The following HIVEP3 variants were observed in gnomAD, a reference collection of about 807,000 sequenced individuals.
The protein encoded by HIVEP3 is HIVEP zinc finger 3.
In HIVEP3, 49 loss-of-function variants were observed where a neutral mutation model predicts 152.8. The observed-to-expected ratio is 0.32, with a 90% CI of 0.26 to 0.41. The LOEUF (loss-of-function observed/expected upper bound fraction) is 0.41, where lower values mean the gene tolerates loss of function less well. Ranked by LOEUF, HIVEP3 falls within the 10% of genes least tolerant of loss-of-function variation. The pLI is 1.00. For synonymous variants in HIVEP3, 1,269 were observed against 1,289.0 expected, an observed-to-expected ratio of 0.98 and a Z score of 0.33; for missense variants, 2,790 against 3,103.3, an observed-to-expected ratio of 0.90 and a Z score of 2.40.
At chr1:41,587,544 A>G (rs769358252) in intron 3 of HIVEP3, among the ~76,000 whole-genome samples, 3 of 152,222 alleles carry the variant, frequency 2.0e-5, no homozygotes, top group Non-Finnish European at 2.9e-5. Context: ...TACCCTTACA[A>G]TTAATATTTG....
At chr1:41,602,705 C>T (rs965869055) in intron 3 of HIVEP3, among the ~76,000 whole-genome samples, 2 of 151,588 alleles carry the variant, frequency 1.3e-5, no homozygotes, top group Non-Finnish European at 2.9e-5. Flanking sequence ...TGATTTTTTT[C>T]CTATTGTTTT....
At chr1:41,526,563 A>T (rs1453054547) in intron 5 of HIVEP3, among the ~76,000 whole-genome samples, 11 of 17,550 alleles carry the variant, frequency 6.3e-4, no homozygotes, top group Non-Finnish European at 8.1e-4. Context: ...TCACCCTCAC[A>T]CACCCTCACA....
At position 41,918,265 on chromosome 1, in the gene HIVEP3, C is replaced by T. The variant is rs555050737; in HGVS notation, c.-801+148G>A. ...CGGCCGGCCCCTGCGTCTCGGCAGCCGGACACCTTGCCTAAGAAAGGCATA... is the reference window on the plus strand; with the variant it reads ...CGGCCGGCCCCTGCGTCTCGGCAGCTGGACACCTTGCCTAAGAAAGGCATA... On this transcript the variant is annotated intron_variant, in intron 1 of 8. Coordinates refer to ENST00000372583, the MANE Select transcript of HIVEP3 (RefSeq NM_024503.5). The surrounding 1 kb of genome is among the most constrained non-coding windows in gnomAD (Gnocchi z 4.3). 425 of 153,964 alleles carry T rather than the reference C, an allele frequency of 2.8e-3. 1 individual carries two copies. The highest frequency in any genetic ancestry group is 4.0e-3 in the Non-Finnish European group (274 of 68,716). The allele number at this position is 153,964 out of a possible 1,614,324, so 9.5% of individuals were successfully genotyped here.
At chr1:41,687,273 G>C (rs912250926) in intron 2 of HIVEP3, among the ~76,000 whole-genome samples, 1 of 152,250 alleles carries the variant, frequency 6.6e-6, no homozygotes, top group Middle Eastern at 3.2e-3. Flanking sequence ...ATTTCACTCA[G>C]AGACAGGAAG....
chr1:41,932,624 T>G (rs1305645906), intron 1 of HIVEP3, among the ~76,000 whole-genome samples: 1 of 151,942 alleles, frequency 6.6e-6, no homozygotes, highest in African/African-American at 2.4e-5. Flanking sequence ...AAGAACCAGC[T>G]TTTGGTTTGA....
Position 41,929,726 on chromosome 1 carries a change from T to TATATATATATATATATATATATA in HIVEP3, n.120-11203_120-11202insTATATATATATATATATATATAT, listed in dbSNP as rs1553135852. ...TGTGTGAGTGTGTGTATATGTGTTTTTATATATATATATATATATATATAT... is the reference window on the plus strand; with the variant it reads ...TGTGTGAGTGTGTGTATATGTGTTTTATATATATATATATATATATATATATATATATATATATATATATATAT... On this transcript the variant is annotated intron_variant and non_coding_transcript_variant, in intron 1 of 3. Coordinates refer to the HIVEP3 transcript ENST00000489103. 8.5e-3 allele frequency among the ~76,000 whole-genome samples: 955 copies of TATATATATATATATATATATATA among 112,512 alleles called. 91 individuals are homozygous for TATATATATATATATATATATATA. Among genetic ancestry groups the TATATATATATATATATATATATA allele is most frequent in the Admixed American group, 0.016 (171 of 10,526 alleles). The allele number at this position is 112,512 out of a possible 152,430, so 73.8% of individuals were successfully genotyped here. A position where few individuals can be genotyped will look rare whatever the true frequency, so the allele number is the denominator to read the frequency against.
chr1:41,934,756 G>A (rs1328609764), intron 1 of HIVEP3, among the ~76,000 whole-genome samples: 2 of 152,144 alleles, frequency 1.3e-5, no homozygotes, highest in Admixed American at 1.3e-4. Context: ...TACAAATAAT[G>A]TACCAATTTT....
At chr1:41,706,282 T>G (rs1482505390) in intron 1 of HIVEP3, among the ~76,000 whole-genome samples, 1 of 152,140 alleles carries the variant, frequency 6.6e-6, no homozygotes, top group Non-Finnish European at 1.5e-5. Context: ...ATGTGTTTTA[T>G]TTTTATTTAT....
At chr1:41,661,154 CAT>C (rs1465024107) in intron 2 of HIVEP3, among the ~76,000 whole-genome samples, 4 of 152,212 alleles carry the variant, frequency 2.6e-5, no homozygotes, top group Non-Finnish European at 4.4e-5. Flanking sequence ...TTTGATAAAA[CAT>C]AGCCTGAAAG....
chr1:41,867,398 G>A (rs1258845183), intron 1 of HIVEP3, among the ~76,000 whole-genome samples: 1 of 152,116 alleles, frequency 6.6e-6, no homozygotes, highest in East Asian at 1.9e-4. Flanking sequence ...ATAAAAACAG[G>A]CGGCAGGCAA....
chr1:41,654,117 A>AAAC (rs1264849518), intron 2 of HIVEP3, among the ~76,000 whole-genome samples: 2 of 152,224 alleles, frequency 1.3e-5, no homozygotes, highest in Non-Finnish European at 2.9e-5. Context: ...TCTACAAGTA[A>AAAC]AACTATGTTT....
At position 41,577,959 on chromosome 1, in the gene HIVEP3, C is replaced by T. The variant is rs577485232; in HGVS notation, c.5061+1778G>A. ...AAACAGAATATTCCAAGAAAAAGTT[C>T]GCAGGTTTTAGGAGCACTATAAATA... is the stretch of plus-strand genomic sequence containing the variant. On this transcript the variant is annotated intron_variant, in intron 4 of 8. Coordinates refer to ENST00000372583, the MANE Select transcript of HIVEP3 (RefSeq NM_024503.5). Among the ~76,000 whole-genome samples, 13 of 152,304 alleles carry T rather than the reference C, an allele frequency of 8.5e-5. No individual in the cohort carries two copies. In the South Asian group the frequency reaches 1.4e-3, roughly 17 times the overall value.
intron 1 of HIVEP3, among the ~76,000 whole-genome samples, chr1:41,985,020 C>T (rs1015609630): frequency 6.6e-6 from 1 of 151,308 alleles, no homozygotes; most frequent in African/African-American, 2.4e-5. Flanking sequence ...GCAGCGAAGG[C>T]CCTTCCCAGG....
At chr1:41,563,285 G>A (rs996241368) in intron 5 of HIVEP3, among the ~76,000 whole-genome samples, 1 of 151,752 alleles carries the variant, frequency 6.6e-6, no homozygotes, top group Non-Finnish European at 1.5e-5. Context: ...AGGCGGAGGT[G>A]GCAGTGAGCT....
intron 1 of HIVEP3, among the ~76,000 whole-genome samples, chr1:41,729,351 T>G (rs1257908615): frequency 6.6e-6 from 1 of 152,200 alleles, no homozygotes; most frequent in African/African-American, 2.4e-5. Context: ...ACTCCAACTC[T>G]GTAAATCAAC....
intron 2 of HIVEP3, among the ~76,000 whole-genome samples, chr1:41,659,605 C>T (rs1337521538): frequency 6.6e-6 from 1 of 152,246 alleles, no homozygotes; most frequent in African/African-American, 2.4e-5. Context: ...ACCCTCTCCT[C>T]TATGCCAGGC....
At chr1:41,716,512 G>T (rs1646596277) in intron 1 of HIVEP3, among the ~76,000 whole-genome samples, 1 of 152,160 alleles carries the variant, frequency 6.6e-6, no homozygotes. Context: ...GAAGAGTCCA[G>T]AAGAGCTGGG....
chr1:41,872,183 G>A (rs1411767484), intron 1 of HIVEP3, among the ~76,000 whole-genome samples: 3 of 152,178 alleles, frequency 2.0e-5, no homozygotes, highest in East Asian at 3.9e-4. Context: ...GCAGCCCCCA[G>A]AATCACAGCA....
rs762620756 is a variant in HIVEP3, at chr1:41,580,322, G to C, written c.4476C>G (p.Gly1492=). The C allele has an allele frequency of 1.2e-6, 2 of 1,614,082 alleles. No homozygotes were observed. The highest frequency in any genetic ancestry group is 1.3e-5 in the African/African-American group (1 of 74,934). The change falls in exon 4 of 9, where the codon GGC becomes GGG. Residue 1492 remains glycine (G), a synonymous_variant. Coordinates refer to ENST00000372583, the MANE Select transcript of HIVEP3 (RefSeq NM_024503.5). ...EKSHLGNQGQ[G]RRELEMLSSL... is the part of the protein sequence containing the mutation. The stretch of plus-strand genomic sequence containing the variant: ...TGGACAGCATTTCTAGCTCCCTCCT[G>C]CCTTGGCCCTGGTTGCCTAAGTGGG...
Sources: allele counts gnomAD v4.1 joint callset (sites outside exome capture counted in the v4.1 genomes callset), GRCh38; gene constraint gnomAD v4.1.1; non-coding constraint Gnocchi (gnomAD v3.1); transcripts MANE v1.5; gene names NCBI Gene and HGNC (gene_info 2026-07-23, HGNC 2026-07-21).